The following CARNMT1 variants were observed in gnomAD, a reference collection of about 807,000 sequenced individuals.
CARNMT1 encodes the protein protein-L-histidine N-pros-methyltransferase CARNMT1.
Under a neutral mutation model 49.6 loss-of-function variants are expected in CARNMT1, and 28 were observed. The observed-to-expected ratio is 0.56, with a 90% CI of 0.42 to 0.77. CARNMT1 has a LOEUF of 0.77. Ranked by LOEUF, CARNMT1 falls within the 30% of genes least tolerant of loss-of-function variation. CARNMT1 has a pLI of 0.00. For missense variants in CARNMT1, 421 were observed against 512.6 expected, an observed-to-expected ratio of 0.82 and a Z score of 1.73; for synonymous variants, 178 against 175.0, an observed-to-expected ratio of 1.02 and a Z score of -0.13.
Position 74,982,822 on chromosome 9 carries a change from T to C in CARNMT1, c.*945A>G, listed in dbSNP as rs969833382. The C allele has an allele frequency of 2.0e-5, 3 of 152,190 alleles. No homozygotes were observed. Among genetic ancestry groups the C allele is most frequent in the Non-Finnish European group, 4.4e-5 (3 of 68,018 alleles). The allele number at this position is 152,190 out of a possible 1,614,324, so 9.4% of individuals were successfully genotyped here. ...TTTTATTCTTATTTTCTCTGTTTCCTAGCACTACTTTTAATAAAGGCTTTT... is the reference window on the plus strand; with the variant it reads ...TTTTATTCTTATTTTCTCTGTTTCCCAGCACTACTTTTAATAAAGGCTTTT... On this transcript the variant is annotated 3_prime_UTR_variant, in exon 8 of 8. Transcript: ENST00000376834.
At chr9:74,993,037 T>A (rs746236190) in intron 6 of CARNMT1, among the ~76,000 whole-genome samples, 4 of 152,198 alleles carry the variant, frequency 2.6e-5, no homozygotes, top group Non-Finnish European at 4.4e-5. Flanking sequence ...GTTCCCTTTT[T>A]CAAATTTTGA....
chr9:75,025,823 T>C (rs1188864736), intron 1 of CARNMT1, among the ~76,000 whole-genome samples: 1 of 152,208 alleles, frequency 6.6e-6, no homozygotes, highest in African/African-American at 2.4e-5. Context: ...AAGCTTTTAT[T>C]TGCACTGTCC....
At chr9:74,999,032 G>T (rs1833281059) in intron 4 of CARNMT1, among the ~76,000 whole-genome samples, 1 of 152,034 alleles carries the variant, frequency 6.6e-6, no homozygotes. Flanking sequence ...TTTTAAAAAT[G>T]TATTTCTAAA....
At chr9:75,008,637 C>A (rs1833593057) in intron 3 of CARNMT1, among the ~76,000 whole-genome samples, 1 of 152,120 alleles carries the variant, frequency 6.6e-6, no homozygotes. Context: ...AAGTGAAAGA[C>A]CTATACACTG....
In CARNMT1 at chr9:74,983,823, A is replaced by C. The variant is rs778727873; in HGVS notation, c.1174T>G (p.Ser392Ala). The C allele has an allele frequency of 1.2e-6, 2 of 1,608,500 alleles. No homozygotes were observed. Among genetic ancestry groups the C allele is most frequent in the Non-Finnish European group, 1.7e-6 (2 of 1,176,986 alleles). ...CATTCATAGTAGTATTTCATCATAG[A>C]GAGATCATTCACAGTATATGTTGAC... The part of the protein sequence containing the change: ...VLSTYTVNDL[S>A]MMKYYYECVL... The change falls in exon 8 of 8, where the codon TCT becomes GCT. Residue 392 changes from serine (S) to alanine (A), a missense_variant. By Grantham distance (99) the Ser-to-Ala change is moderately conservative. Coordinates refer to ENST00000376834, the MANE Select transcript of CARNMT1 (RefSeq NM_152420.3).
rs188273998 is a variant in CARNMT1 at position 74,990,345 on chromosome 9, C to G, written c.1025-5335G>C. ...AAAGCTGAATTCTCAACAGCAAAGACGGAAACTAGAGGCCACTGGGTGTGA... is the reference window on the plus strand; with the variant it reads ...AAAGCTGAATTCTCAACAGCAAAGAGGGAAACTAGAGGCCACTGGGTGTGA... On this transcript the variant is annotated intron_variant, in intron 6 of 7. Transcript: ENST00000376834. Among the ~76,000 whole-genome samples, 260 of 152,258 alleles carry G rather than the reference C, an allele frequency of 1.7e-3. 2 individuals carry two copies. The highest frequency in any genetic ancestry group is 3.7e-3 in the South Asian group (18 of 4,830).
intron 3 of CARNMT1, among the ~76,000 whole-genome samples, chr9:75,011,430 A>C (rs983139201): frequency 6.6e-6 from 1 of 152,124 alleles, no homozygotes; most frequent in South Asian, 2.1e-4. Context: ...GGAATGCAGT[A>C]ATCTTATCAC....
Position 75,028,096 on chromosome 9 carries a change from G to A in CARNMT1, c.146C>T (p.Ala49Val), listed in dbSNP as rs762200815. Residue 49 changes from alanine (A) to valine (V), a missense_variant, in exon 1 of 8, where the codon GCG (alanine) becomes GTG (valine). Physicochemically the swap from Ala to Val is moderately conservative, Grantham distance 64 (BLOSUM62 0). This residue lies in a region of CARNMT1 where 186 missense variants were observed against 167.9 expected (regional missense o/e 1.11). Transcript: ENST00000376834. Reference sequence around the variant, plus strand: ...CTCCTCCTCGGTGCTGCGCGTGGCCGCCGCCGCTGCCGCCGAAACCGCCGC... The same window carrying A: ...CTCCTCCTCGGTGCTGCGCGTGGCCACCGCCGCTGCCGCCGAAACCGCCGC... ...SAAAVSAAAA[A>V]ATRSTEEEEE... 1.6e-5 allele frequency: 24 copies of A among 1,544,754 alleles called. No individual in the cohort carries two copies. The highest frequency in any genetic ancestry group is 1.9e-5 in the Admixed American group (1 of 51,428).
chr9:75,028,317 C>G (rs1822593679), upstream of CARNMT1: 2 of 1,317,306 alleles, frequency 1.5e-6, no homozygotes, highest in South Asian at 2.2e-5. Context: ...CTTGGCCTTC[C>G]TCTAGACGGC....
intron 3 of CARNMT1, among the ~76,000 whole-genome samples, chr9:75,014,966 G>A (rs1444123341): frequency 2.0e-5 from 3 of 152,130 alleles, no homozygotes; most frequent in African/African-American, 4.8e-5. Flanking sequence ...CAATCAATAC[G>A]GAGGCAAAGG....
At chr9:74,988,983 C>T (rs1286661884) in intron 6 of CARNMT1, among the ~76,000 whole-genome samples, 1 of 152,190 alleles carries the variant, frequency 6.6e-6, no homozygotes, top group Non-Finnish European at 1.5e-5. Context: ...CTTACCTAAG[C>T]TTTAAGTAAG....
At chr9:75,011,010 A>G (rs1441892478) in intron 3 of CARNMT1, among the ~76,000 whole-genome samples, 1 of 152,100 alleles carries the variant, frequency 6.6e-6, no homozygotes, top group Admixed American at 6.5e-5. Flanking sequence ...ACATAAATAT[A>G]TAATTCTCAA....
intron 1 of CARNMT1, among the ~76,000 whole-genome samples, chr9:75,020,968 A>G (rs1049095007): frequency 6.6e-6 from 1 of 152,196 alleles, no homozygotes; most frequent in Non-Finnish European, 1.5e-5. Context: ...CATATACAGA[A>G]GCAAGATAAG....
chr9:75,028,351 C>T, upstream of CARNMT1: 5 of 1,304,250 alleles, frequency 3.8e-6, no homozygotes, highest in Non-Finnish European at 4.8e-6. Context: ...ATGCCCCCAG[C>T]TCGCGGCGCG....
chr9:75,007,750 A>AAAAAAC (rs1833558052), intron 3 of CARNMT1, among the ~76,000 whole-genome samples: 1 of 150,590 alleles, frequency 6.6e-6, no homozygotes, highest in Non-Finnish European at 1.5e-5. Context: ...AATAATAAAA[A>AAAAAAC]AAAAAAAACT....
chr9:74,986,048 C>A (rs960287602), intron 6 of CARNMT1, among the ~76,000 whole-genome samples: 1 of 152,156 alleles, frequency 6.6e-6, no homozygotes, highest in African/African-American at 2.4e-5. Flanking sequence ...TCAAATCTTT[C>A]AATCTATCAT....
chr9:75,005,322 G>C (rs1276562624), intron 3 of CARNMT1, among the ~76,000 whole-genome samples: 9 of 146,790 alleles, frequency 6.1e-5, no homozygotes, highest in Non-Finnish European at 7.6e-5. Flanking sequence ...GTCGATCTGT[G>C]GCTTCAAAGC....
chr9:74,998,172 T>C (rs1410189537), intron 5 of CARNMT1, among the ~76,000 whole-genome samples: 1 of 152,176 alleles, frequency 6.6e-6, no homozygotes, highest in Non-Finnish European at 1.5e-5. Flanking sequence ...ATTAAATCTT[T>C]TCTTTCCCTG....
chr9:74,992,293 T>A (rs1379014227), intron 6 of CARNMT1, among the ~76,000 whole-genome samples: 1 of 151,516 alleles, frequency 6.6e-6, no homozygotes, highest in East Asian at 1.9e-4. Context: ...GAAAAAAAAA[T>A]TCTGTAGCTT....
Sources: gnomAD v4.1 joint callset for allele counts (sites outside exome capture counted in the v4.1 genomes callset) on GRCh38, gnomAD v4.1.1 for gene constraint, gnomAD v4.1.1 regional missense constraint, MANE v1.5 for transcripts, NCBI Gene and HGNC (gene_info 2026-07-23, HGNC 2026-07-21) for gene names.